DSG4: variants seen among roughly 807,000 people sequenced by gnomAD.
DSG4 encodes the protein desmoglein 4.
Under a neutral mutation model 93.1 loss-of-function variants are expected in DSG4, and 87 were observed. The observed-to-expected ratio is 0.93, with a 90% CI of 0.79 to 1.12. The LOEUF is 1.12. Among genes scored for constraint, DSG4 ranks in the 50% most tolerant of loss-of-function variants. The pLI is 0.00. For missense variants in DSG4, 1,373 were observed against 1,285.7 expected, an observed-to-expected ratio of 1.07 and a Z score of -1.04; for synonymous variants, 432 against 452.9, an observed-to-expected ratio of 0.95 and a Z score of 0.59.
chr18:31,411,478 G>A (rs1380541046), intron 15 of DSG4, 30 bp downstream of exon 15: 3 of 1,608,132 alleles, frequency 1.9e-6, no homozygotes, highest in East Asian at 2.2e-5. Flanking sequence ...ACATAAAATC[G>A]TCTTGAGATT....
Position 31,390,763 on chromosome 18 carries a change from T to C in DSG4, c.625T>C (p.Phe209Leu), listed in dbSNP as rs1358393438. 1.9e-6 allele frequency: 3 copies of C among 1,613,716 alleles called. No individual in the cohort carries two copies. The highest frequency in any genetic ancestry group is 2.7e-5 in the African/African-American group (2 of 74,918). The change falls in exon 6 of 16, where the codon TTC becomes CTC. Residue 209 changes from phenylalanine (F) to leucine (L), a missense_variant. Phe to Leu is a conservative substitution (Grantham distance 22). Coordinates refer to ENST00000308128, the MANE Select transcript of DSG4 (RefSeq NM_177986.5). ...VSQEPSGAPM[F>L]ILNRYTGEVC... ...TCAGGAGCCATCAGGTGCACCCATG[T>C]TCATTCTGAATAGGTACACTGGAGA...
chr18:31,412,999 C>T lies in DSG4; in HGVS notation c.2527C>T (p.Leu843Phe), dbSNP rs775608448. 18 of 1,614,194 alleles carry T rather than the reference C, an allele frequency of 1.1e-5. No homozygotes were observed. Among genetic ancestry groups the T allele is most frequent in the South Asian group, 9.9e-5 (9 of 91,080 alleles). ...METLDPKFRTLAEICLNTEIE... is the reference protein window; with the variant it reads ...METLDPKFRTFAEICLNTEIE... ...AACTTTAGATCCAAAATTTAGGACT[C>T]TTGCTGAGATCTGCTTAAACACAGA... is the stretch of plus-strand genomic sequence containing the variant. Residue 843 changes from leucine (L) to phenylalanine (F), a missense_variant, in exon 16 of 16, where the codon CTT (leucine) becomes TTT (phenylalanine). Coordinates refer to ENST00000308128, the MANE Select transcript of DSG4 (RefSeq NM_177986.5).
intron 11 of DSG4, among the ~76,000 whole-genome samples, 181 bp from the exon 12 acceptor site, chr18:31,405,896 G>GAAT (rs145220927): frequency 7.3e-5 from 11 of 150,648 alleles, no homozygotes; most frequent in African/African-American, 1.2e-4. Flanking sequence ...AAAATAACAA[G>GAAT]AATAATAATA....
intron 8 of DSG4, among the ~76,000 whole-genome samples, chr18:31,395,737 G>A (rs1265872416): frequency 2.0e-5 from 3 of 151,982 alleles, no homozygotes; most frequent in East Asian, 1.9e-4. Context: ...AAGGTGGCTC[G>A]TGCCTGTAAT....
rs145949758 is a variant in DSG4 at position 31,411,359 on chromosome 18, G to C, written c.2266G>C (p.Ala756Pro). ...AAGAAGASGA[A>P]RKRSSTMGTL... Reference sequence around the variant, plus strand: ...AGGGGCCGCAGGAGCCTCAGGGGCCGCAAGGAAGAGGAGCTCTACCATGGG... The same window carrying C: ...AGGGGCCGCAGGAGCCTCAGGGGCCCCAAGGAAGAGGAGCTCTACCATGGG... Residue 756 changes from alanine (A) to proline (P), a missense_variant, in exon 15 of 16, where the codon GCA becomes CCA. Ala to Pro is a conservative substitution (Grantham distance 27). Coordinates refer to ENST00000308128, the MANE Select transcript of DSG4 (RefSeq NM_177986.5). 8.1e-6 allele frequency: 13 copies of C among 1,614,088 alleles called. No homozygotes were observed. In the South Asian group the frequency reaches 1.4e-4, roughly 18 times the overall value.
Position 31,399,381 on chromosome 18 carries a change from T to C in DSG4, c.1115T>C (p.Val372Ala). 6.2e-7 allele frequency: 1 copy of C among 1,612,494 alleles called. No individual in the cohort carries two copies. The highest frequency in any genetic ancestry group is 8.5e-7 in the Non-Finnish European group (1 of 1,178,508). ...ASQFQMHPTP[V>A]RIQVVDVREG... is the part of the protein sequence containing the mutation. ...CAATTCCAAATGCACCCAACCCCTG[T>C]GAGAATTCAAGTTGTTGATGTGAGA... Residue 372 changes from valine (V) to alanine (A), a missense_variant, in exon 9 of 16, where the codon GTG (valine) becomes GCG (alanine). Transcript: ENST00000308128.
rs1303622262 is a variant in DSG4, at chr18:31,414,413, A to G, written c.*818A>G. Reference sequence around the variant, plus strand: ...AGAAAAATACATGAAATATGGCTTAACCAATTTCATTGACCTGAATCGTAG... The same window carrying G: ...AGAAAAATACATGAAATATGGCTTAGCCAATTTCATTGACCTGAATCGTAG... On this transcript the variant is annotated 3_prime_UTR_variant, in exon 16 of 16. Coordinates refer to ENST00000308128, the MANE Select transcript of DSG4 (RefSeq NM_177986.5). The G allele has an allele frequency of 6.6e-6, 1 of 152,172 alleles. No homozygotes were observed. Among genetic ancestry groups the G allele is most frequent in the Non-Finnish European group, 1.5e-5 (1 of 68,028 alleles). The allele number at this position is 152,172 out of a possible 1,614,324, so 9.4% of individuals were successfully genotyped here.
Position 31,413,886 on chromosome 18 carries a change from C to T in DSG4, c.*291C>T, listed in dbSNP as rs975820391. On this transcript the variant is annotated 3_prime_UTR_variant, in exon 16 of 16. Transcript: ENST00000308128. ...ATAGCACATAACTCATATTGTGAAT[C>T]CTATGGGTCTTGAGGCCTGTAGAAC... The T allele has an allele frequency of 3.1e-6, 1 of 327,618 alleles. No individual in the cohort carries two copies. The highest frequency in any genetic ancestry group is 5.8e-6 in the Non-Finnish European group (1 of 172,452). The allele number at this position is 327,618 out of a possible 1,614,324, so 20.3% of individuals were successfully genotyped here.
chr18:31,412,888 T>C lies in DSG4; in HGVS notation c.2416T>C (p.Tyr806His). Residue 806 changes from tyrosine (Y) to histidine (H), a missense_variant, in exon 16 of 16, where the codon TAT (tyrosine) becomes CAT (histidine). By Grantham distance (83) the Tyr-to-His change is moderately conservative (BLOSUM62 2). Transcript: ENST00000308128. ...ACCAGCCAATGACTGCTTGCTCATT[T>C]ATGACCACGAGGGAGTCGGGTCTCC... ...GRPANDCLLI[Y>H]DHEGVGSPVG... 1.9e-6 allele frequency: 3 copies of C among 1,614,238 alleles called. No homozygotes were observed. The highest frequency in any genetic ancestry group is 2.5e-6 in the Non-Finnish European group (3 of 1,180,042).
intron 1 of DSG4, 110 bp downstream of exon 1, chr18:31,377,069 A>G: frequency 8.3e-7 from 1 of 1,208,976 alleles, no homozygotes; most frequent in Admixed American, 2.0e-5. Context: ...TCCTTCCTGC[A>G]AAGAGAGTTC....
chr18:31,388,649 A>T, intron 4 of DSG4, 127 bp downstream of exon 4: 2 of 1,353,090 alleles, frequency 1.5e-6, no homozygotes, highest in Middle Eastern at 2.1e-4. Flanking sequence ...AGAAGACTTG[A>T]AGGAATGGAA....
intron 1 of DSG4, among the ~76,000 whole-genome samples, chr18:31,380,719 A>C (rs2072124335): frequency 6.6e-6 from 1 of 152,322 alleles, no homozygotes; most frequent in East Asian, 1.9e-4. Context: ...GCTTATTAAT[A>C]AGTTGGTCCT....
intron 1 of DSG4, among the ~76,000 whole-genome samples, chr18:31,382,613 G>C (rs1157521669): frequency 6.6e-6 from 1 of 152,034 alleles, no homozygotes; most frequent in Admixed American, 6.6e-5. Context: ...GAAAGTGAGG[G>C]CTCCTGATGG....
At chr18:31,381,974 G>T (rs8084577) in intron 1 of DSG4, among the ~76,000 whole-genome samples, 108,334 of 151,494 alleles carry the variant, frequency 0.72, 39,377 homozygotes, top group East Asian at 0.9. Flanking sequence ...CAGCCAAATA[G>T]TAGTATCTTA....
rs1437817895 is a variant in DSG4, at chr18:31,403,473, A to T, written c.1475A>T (p.Asp492Val). ...TGTATTGAGGTTCCTGATATCAATGATTATTGTCCAAACATTTTTCCTGAA... is the reference window on the plus strand; with the variant it reads ...TGTATTGAGGTTCCTGATATCAATGTTTATTGTCCAAACATTTTTCCTGAA... ...TICIEVPDINDYCPNIFPERR... is the reference protein window; with the variant it reads ...TICIEVPDINVYCPNIFPERR... The change falls in exon 11 of 16, where the codon GAT (aspartate) becomes GTT (valine). Residue 492 changes from aspartate to valine, a missense_variant. Coordinates refer to ENST00000308128, the MANE Select transcript of DSG4 (RefSeq NM_177986.5). 3 of 1,613,944 alleles carry T rather than the reference A, an allele frequency of 1.9e-6. No homozygotes were observed. In the South Asian group the frequency reaches 3.3e-5, roughly 18 times the overall value.
At chr18:31,386,321 T>A (rs1460596) in intron 2 of DSG4, among the ~76,000 whole-genome samples, 107,868 of 151,948 alleles carry the variant, frequency 0.71, 39,082 homozygotes, top group East Asian at 0.89. Context: ...AACTCTGCAG[T>A]CTGTAAATTC....
chr18:31,379,850 GA>G lies in DSG4; in HGVS notation c.48+2896del, dbSNP rs1477932101. Among the ~76,000 whole-genome samples, 9 of 152,228 alleles carry G rather than the reference GA, an allele frequency of 5.9e-5. No individual in the cohort carries two copies. The East Asian group carries it at 1.7e-3, about 29-fold the overall frequency. On this transcript the variant is annotated intron_variant, in intron 1 of 15. Transcript: ENST00000308128. ...CAGATTTCCAGAAATATGACAGAGAGAAAAACACCTTATCCTATTTGGCTTG... is the reference window on the plus strand; with the variant it reads ...CAGATTTCCAGAAATATGACAGAGAGAAAACACCTTATCCTATTTGGCTTG...
rs374419544 is a variant in DSG4, at chr18:31,404,660, A to C, written c.1636+1026A>C. ...GTGGGGAAAATACCACCAATAAAGTAAGAAATTAGGCAATTTGTTTTTACC... is the reference window on the plus strand; with the variant it reads ...GTGGGGAAAATACCACCAATAAAGTCAGAAATTAGGCAATTTGTTTTTACC... On this transcript the variant is annotated intron_variant, in intron 11 of 15. Coordinates refer to ENST00000308128, the MANE Select transcript of DSG4 (RefSeq NM_177986.5). Among the ~76,000 whole-genome samples, 7 of 152,348 alleles carry C rather than the reference A, an allele frequency of 4.6e-5. No homozygotes were observed. In the East Asian group the frequency reaches 7.7e-4, roughly 17 times the overall value.
rs565957989 is a variant in DSG4 at position 31,412,004 on chromosome 18, C to T, written c.2355+556C>T. On this transcript the variant is annotated intron_variant, in intron 15 of 15. Transcript: ENST00000308128. ...ACTGACCTTCACTACGAAAAGGGGT[C>T]CAGCAATAGCACTGCTGGGTATATA... Among the ~76,000 whole-genome samples, 118 of 152,164 alleles carry T rather than the reference C, an allele frequency of 7.8e-4. 1 individual carries two copies. Among genetic ancestry groups the T allele is most frequent in the African/African-American group, 2.7e-3 (112 of 41,522 alleles).
Sources: allele counts gnomAD v4.1 joint callset (sites outside exome capture counted in the v4.1 genomes callset), GRCh38; gene constraint gnomAD v4.1.1; transcripts MANE v1.5; gene names NCBI Gene and HGNC (gene_info 2026-07-23, HGNC 2026-07-21).